Variants in SMARCA2 observed in about 807,000 individuals in gnomAD.
SMARCA2 encodes the protein SWI/SNF-related matrix-associated actin-dependent regulator of chromatin subfamily A member 2.
SMARCA2 carries 61 observed loss-of-function variants against 199.8 expected under a neutral mutation model. The ratio of observed to expected loss-of-function variants is 0.31; its 90% CI spans 0.25 to 0.38. SMARCA2 has a LOEUF of 0.38. SMARCA2 is among the 10% of genes least tolerant of loss of function. The pLI is 1.00. For missense variants in SMARCA2, 1,344 were observed against 2,012.2 expected (o/e 0.67, Z 6.35); for synonymous variants, 935 against 732.0 (o/e 1.28, Z -4.48).
At chr9:2,128,532 G>A (rs374487783) in intron 27 of SMARCA2, among the ~76,000 whole-genome samples, 1 of 152,358 alleles carries the variant, frequency 6.6e-6, no homozygotes, top group African/African-American at 2.4e-5. Flanking sequence ...TTCCTCAGCA[G>A]TTGCTAAGTC....
At chr9:2,024,637 T>A (rs1366067426) in intron 1 of SMARCA2, among the ~76,000 whole-genome samples, 1 of 152,154 alleles carries the variant, frequency 6.6e-6, no homozygotes, top group Non-Finnish European at 1.5e-5. Flanking sequence ...TTCCACTGTT[T>A]CTGACCTTTT....
At chr9:2,175,675 C>G (rs1055557759) in intron 29 of SMARCA2, among the ~76,000 whole-genome samples, 1 of 152,092 alleles carries the variant, frequency 6.6e-6, no homozygotes, top group Non-Finnish European at 1.5e-5. Context: ...TTGTTGGGAC[C>G]TACTTTATTT....
intron 13 of SMARCA2, 134 bp from the exon 14 acceptor site, chr9:2,077,495 A>T: frequency 1.3e-6 from 1 of 785,662 alleles, no homozygotes; most frequent in African/African-American, 1.7e-5. Context: ...TATTAACTGC[A>T]TGGCAAGTCG....
Position 2,016,198 on chromosome 9 carries a change from A to T in SMARCA2, c.-37+794A>T, listed in dbSNP as rs1361998903. The T allele has an allele frequency of 2.0e-5, 3 of 152,268 alleles. No homozygotes were observed. Among genetic ancestry groups the T allele is most frequent in the Non-Finnish European group, 4.4e-5 (3 of 68,148 alleles). 9.4% of individuals were successfully genotyped at this position (152,268 alleles called of 1,614,324 possible). On this transcript the variant is annotated intron_variant, in intron 1 of 33. Transcript: ENST00000349721. The surrounding 1 kb of genome is among the most constrained non-coding windows in gnomAD (Gnocchi z 5.6). The stretch of plus-strand genomic sequence containing the variant: ...ACTTTCCGCGTTTCCTCCGGCGTGG[A>T]TGGGGAGGCTGATTGGTAGGCAGGC...
At chr9:2,095,859 C>G (rs923308736) in intron 19 of SMARCA2, among the ~76,000 whole-genome samples, 1 of 152,092 alleles carries the variant, frequency 6.6e-6, no homozygotes, top group Non-Finnish European at 1.5e-5. Flanking sequence ...GAGAATTGCA[C>G]ATTTGTATTA....
intron 4 of SMARCA2, chr9:2,045,826 GACACACACAC>G (rs60571405): frequency 0.03 from 4,340 of 146,016 alleles, 78 homozygotes; most frequent in Non-Finnish European, 0.043. Flanking sequence ...TAACATCACA[GACACACACAC>G]ACACACACAC....
chr9:2,098,754 G>A (rs1339628939), intron 21 of SMARCA2, among the ~76,000 whole-genome samples: 1 of 152,088 alleles, frequency 6.6e-6, no homozygotes, highest in Non-Finnish European at 1.5e-5. Flanking sequence ...TGGCCAACAT[G>A]GTGAAACCCC....
rs139874787 is a variant in SMARCA2 at position 2,170,978 on chromosome 9, T to G, written c.4253+506T>G. 6.6e-6 allele frequency among the ~76,000 whole-genome samples: 1 copy of G among 152,314 alleles called. No individual in the cohort carries two copies. Among genetic ancestry groups the G allele is most frequent in the Non-Finnish European group, 1.5e-5 (1 of 68,016 alleles). On this transcript the variant is annotated intron_variant, in intron 29 of 33. Coordinates refer to ENST00000349721, the MANE Select transcript of SMARCA2 (RefSeq NM_003070.5). The surrounding 1 kb of genome is among the most constrained non-coding windows in gnomAD (Gnocchi z 4.7). The stretch of plus-strand genomic sequence containing the variant: ...GGGCAATTGCTGAGTTGTCTCTTGT[T>G]TGTGTGATGGGTTGGGTTTCAGGGT...
intron 27 of SMARCA2, among the ~76,000 whole-genome samples, chr9:2,141,031 A>G (rs1373636617): frequency 6.6e-6 from 1 of 151,898 alleles, no homozygotes; most frequent in Non-Finnish European, 1.5e-5. Context: ...TTCTCTTTTT[A>G]AGTGACCTGT....
chr9:2,081,598 C>T (rs140544804), intron 14 of SMARCA2, among the ~76,000 whole-genome samples: 1 of 152,192 alleles, frequency 6.6e-6, no homozygotes, highest in Non-Finnish European at 1.5e-5. Flanking sequence ...AGCGGCAAAG[C>T]TGCTTTAAAA....
chr9:2,144,207 T>G lies in SMARCA2; in HGVS notation c.3982-17479T>G, dbSNP rs578191559. On this transcript the variant is annotated intron_variant, in intron 27 of 33. Coordinates refer to ENST00000349721, the MANE Select transcript of SMARCA2 (RefSeq NM_003070.5). ...AGGCAGGTATTATCTTGTGAAGGAG[T>G]CTTCTCAGATGTGGTTGCATTCCTC... Among the ~76,000 whole-genome samples, 59 of 151,956 alleles carry G rather than the reference T, an allele frequency of 3.9e-4. No individual in the cohort carries two copies. The East Asian group carries it at 0.011, about 29-fold the overall frequency.
At chr9:2,081,718 G>A in intron 14 of SMARCA2, 114 bp from the exon 15 acceptor site, 1 of 850,484 alleles carries the variant, frequency 1.2e-6, no homozygotes, top group East Asian at 2.5e-5. Flanking sequence ...CCTACTGTGG[G>A]AAACCCAACA....
At chr9:2,180,634 C>A (rs997087890) in intron 29 of SMARCA2, among the ~76,000 whole-genome samples, 1 of 152,216 alleles carries the variant, frequency 6.6e-6, no homozygotes, top group African/African-American at 2.4e-5. Context: ...CTGTATCACA[C>A]ACCACAAGCT....
intron 29 of SMARCA2, among the ~76,000 whole-genome samples, chr9:2,175,540 G>T (rs906668246): frequency 2.5e-4 from 38 of 152,120 alleles, no homozygotes; most frequent in African/African-American, 8.9e-4. Context: ...TTGGTAAAAC[G>T]TGCTGCTTAT....
At chr9:2,112,300 G>A (rs1823040678) in intron 24 of SMARCA2, among the ~76,000 whole-genome samples, 1 of 152,148 alleles carries the variant, frequency 6.6e-6, no homozygotes, top group Non-Finnish European at 1.5e-5. Context: ...ATAGGTGAAT[G>A]GAGAGTTTGC....
At chr9:2,077,463 T>G (rs188388272) in intron 13 of SMARCA2, among the ~76,000 whole-genome samples, 166 bp from the exon 14 acceptor site, 35 of 152,326 alleles carry the variant, frequency 2.3e-4, no homozygotes, top group African/African-American at 7.9e-4. Context: ...GCTTGCTTTT[T>G]GAGAGGATTA....
Position 2,098,203 on chromosome 9 carries a change from C to T in SMARCA2, c.3078+732C>T, listed in dbSNP as rs144530116. ...AAATGGTCCTGGTGGCAATTATTTGCCAGGGTAGTGCCTACTTGCTACTGC... is the reference window on the plus strand; with the variant it reads ...AAATGGTCCTGGTGGCAATTATTTGTCAGGGTAGTGCCTACTTGCTACTGC... On this transcript the variant is annotated intron_variant, in intron 21 of 33. Coordinates refer to ENST00000349721, the MANE Select transcript of SMARCA2 (RefSeq NM_003070.5). Among the ~76,000 whole-genome samples the T allele has an allele frequency of 8.2e-4, 125 of 152,278 alleles. 1 individual carries two copies. Among genetic ancestry groups the T allele is most frequent in the African/African-American group, 2.9e-3 (119 of 41,564 alleles).
chr9:2,127,959 G>A (rs559311158), intron 27 of SMARCA2, among the ~76,000 whole-genome samples: 1 of 130,804 alleles, frequency 7.6e-6, no homozygotes, highest in Admixed American at 6.8e-5. Flanking sequence ...TTCAAACACA[G>A]TTCAGTTTTT....
intron 27 of SMARCA2, among the ~76,000 whole-genome samples, chr9:2,137,946 A>G (rs143812633): frequency 6.6e-6 from 1 of 152,356 alleles, no homozygotes; most frequent in African/African-American, 2.4e-5. Context: ...GACTTCATGT[A>G]AAGATTTCTT....
Sources: gnomAD v4.1 joint callset for allele counts (sites outside exome capture counted in the v4.1 genomes callset) on GRCh38, gnomAD v4.1.1 for gene constraint, Gnocchi (gnomAD v3.1) non-coding constraint, MANE v1.5 for transcripts, NCBI Gene and HGNC (gene_info 2026-07-23, HGNC 2026-07-21) for gene names.